The following PDE10A variants were observed in gnomAD, a reference collection of about 807,000 sequenced individuals.
PDE10A encodes cAMP and cAMP-inhibited cGMP 3',5'-cyclic phosphodiesterase 10A.
Under a neutral mutation model 97.7 loss-of-function variants are expected in PDE10A, and 39 were observed. The observed-to-expected ratio is 0.40, with a 90% CI of 0.31 to 0.52. PDE10A has a LOEUF of 0.52. PDE10A is among the 20% of genes least tolerant of loss of function. PDE10A has a pLI of 0.56. For synonymous variants in PDE10A, 371 were observed against 376.8 expected (o/e 0.98, Z 0.18); for missense variants, 731 against 1,047.8 (o/e 0.70, Z 4.17).
intron 1 of PDE10A, among the ~76,000 whole-genome samples, chr6:165,637,494 T>G (rs1788932555): frequency 6.6e-6 from 1 of 152,052 alleles, no homozygotes; most frequent in Non-Finnish European, 1.5e-5. Flanking sequence ...TGCGGAAAAT[T>G]TTTCACATTT....
intron 13 of PDE10A, among the ~76,000 whole-genome samples, chr6:165,398,114 T>A (rs1439745622): frequency 6.6e-6 from 1 of 152,236 alleles, no homozygotes; most frequent in African/African-American, 2.4e-5. Flanking sequence ...GATAATGATC[T>A]AAGGGATGGT....
At chr6:165,604,234 G>T (rs954172812) in intron 1 of PDE10A, among the ~76,000 whole-genome samples, 1 of 152,150 alleles carries the variant, frequency 6.6e-6, no homozygotes, top group Admixed American at 6.5e-5. Flanking sequence ...GTAGTAAAGC[G>T]CTGGGAGGTT....
chr6:165,552,203 C>G (rs1473151701), intron 1 of PDE10A, among the ~76,000 whole-genome samples: 1 of 152,216 alleles, frequency 6.6e-6, no homozygotes, highest in African/African-American at 2.4e-5. Flanking sequence ...ATTTATTAGA[C>G]TTCAGCCTCT....
Position 165,328,043 on chromosome 6 carries a change from T to C in PDE10A, c.*4982A>G, listed in dbSNP as rs1024804921. ...ATGAAGATGCTGCATTTGTACAAAT[T>C]TTGGTAACTATTTCACAGTGTGTTG... On this transcript the variant is annotated 3_prime_UTR_variant, in exon 22 of 22. Coordinates refer to ENST00000539869, the MANE Select transcript of PDE10A (RefSeq NM_001385079.1). The C allele has an allele frequency of 6.6e-6, 1 of 152,158 alleles. No individual in the cohort carries two copies. The highest frequency in any genetic ancestry group is 2.4e-5 in the African/African-American group (1 of 41,444). The allele number at this position is 152,158 out of a possible 1,614,324, so 9.4% of individuals were successfully genotyped here.
intron 1 of PDE10A, among the ~76,000 whole-genome samples, chr6:165,856,320 C>T (rs1212711530): frequency 1.3e-5 from 2 of 152,162 alleles, no homozygotes; most frequent in African/African-American, 2.4e-5. Flanking sequence ...CCGCACCACC[C>T]CCTGCCTGAC....
At chr6:165,540,980 A>G (rs1287467279) in intron 2 of PDE10A, among the ~76,000 whole-genome samples, 1 of 152,174 alleles carries the variant, frequency 6.6e-6, no homozygotes, top group East Asian at 1.9e-4. Context: ...GGGAGGAAAG[A>G]ATGAAGGGAG....
chr6:165,516,130 G>T (rs1467246652), intron 2 of PDE10A, among the ~76,000 whole-genome samples: 1 of 152,164 alleles, frequency 6.6e-6, no homozygotes, highest in African/African-American at 2.4e-5. Context: ...TCTAAGGCCA[G>T]CCCCTTCACT....
At position 165,662,363 on chromosome 6, in the gene PDE10A, G is replaced by T; in HGVS notation, c.449C>A (p.Ala150Glu). 1 of 162,580 alleles carries T rather than the reference G, an allele frequency of 6.2e-6. No homozygotes were observed. The highest frequency in any genetic ancestry group is 1.3e-5 in the Non-Finnish European group (1 of 78,084). The allele number at this position is 162,580 out of a possible 1,614,324, so 10.1% of individuals were successfully genotyped here. The change falls in exon 1 of 22, where the codon GCG (alanine) becomes GAG (glutamate). Residue 150 changes from alanine (A) to glutamate (E), a missense_variant. By Grantham distance (107) the Ala-to-Glu change is moderately radical. This residue lies in a region of PDE10A where 181 missense variants were observed against 159.1 expected (regional missense o/e 1.14). Transcript: ENST00000539869. ...GCCGCCTCCTCCCGCCGCCGCCGCC[G>T]CCGCTGCGCCCTCCCTTCCTGGGAG... ...VRLPGREGAA[A>E]AAAAGGGGDA...
chr6:165,420,813 A>G (rs1346490024), intron 10 of PDE10A, among the ~76,000 whole-genome samples: 1 of 152,234 alleles, frequency 6.6e-6, no homozygotes. Context: ...ATTCTTTAAA[A>G]ATCTTCAACA....
At chr6:165,953,345 T>A (rs1484938634) in intron 1 of PDE10A, among the ~76,000 whole-genome samples, 1 of 152,136 alleles carries the variant, frequency 6.6e-6, no homozygotes, top group Non-Finnish European at 1.5e-5. Flanking sequence ...AATCCCAGCA[T>A]TTTGGGAGGC....
At position 165,636,282 on chromosome 6, in the gene PDE10A, A is replaced by T. The variant is rs148377388; in HGVS notation, c.865+25665T>A. On this transcript the variant is annotated intron_variant, in intron 1 of 21. Coordinates refer to ENST00000539869, the MANE Select transcript of PDE10A (RefSeq NM_001385079.1). ...ACACAGCTAGTTCACTGGCTATGTG[A>T]AAAGGAAATCCCTCCCATACACACA... 1.9e-3 allele frequency among the ~76,000 whole-genome samples: 284 copies of T among 152,262 alleles called. 2 individuals carry two copies. The highest frequency in any genetic ancestry group is 6.6e-3 in the African/African-American group (273 of 41,538).
At chr6:165,951,663 T>C (rs1490815620) in intron 1 of PDE10A, among the ~76,000 whole-genome samples, 1 of 152,164 alleles carries the variant, frequency 6.6e-6, no homozygotes, top group Non-Finnish European at 1.5e-5. Flanking sequence ...CTCCCCCATT[T>C]AGACGAGTCT....
intron 1 of PDE10A, among the ~76,000 whole-genome samples, chr6:165,912,615 G>A (rs1782494320): frequency 6.6e-6 from 1 of 152,220 alleles, no homozygotes; most frequent in Non-Finnish European, 1.5e-5. Context: ...TGAGACTGCT[G>A]TGATGTGCCT....
At chr6:165,384,356 A>G (rs7752613) in intron 17 of PDE10A, among the ~76,000 whole-genome samples, 97 of 152,228 alleles carry the variant, frequency 6.4e-4, no homozygotes, top group African/African-American at 2.1e-3. Context: ...AGCTCTACAC[A>G]GCGACGGGCC....
At position 165,587,813 on chromosome 6, in the gene PDE10A, C is replaced by T. The variant is rs193002450; in HGVS notation, c.866-44245G>A. Reference sequence around the variant, plus strand: ...TATTTTTGGCCTTTTAAAATTCAAGCTGCAAACCACAGAGGTTAAATGAGG... The same window carrying T: ...TATTTTTGGCCTTTTAAAATTCAAGTTGCAAACCACAGAGGTTAAATGAGG... On this transcript the variant is annotated intron_variant, in intron 1 of 21. Coordinates refer to ENST00000539869, the MANE Select transcript of PDE10A (RefSeq NM_001385079.1). 8.2e-4 allele frequency among the ~76,000 whole-genome samples: 125 copies of T among 152,252 alleles called. 1 individual carries two copies. Among genetic ancestry groups the T allele is most frequent in the African/African-American group, 2.7e-3 (112 of 41,540 alleles).
intron 5 of PDE10A, among the ~76,000 whole-genome samples, chr6:165,447,610 C>CT (rs1790960363): frequency 6.6e-6 from 1 of 152,118 alleles, no homozygotes; most frequent in African/African-American, 2.4e-5. Context: ...TTAATAAAAA[C>CT]TTTGACACTT....
At chr6:165,885,619 C>T (rs1781609007) in intron 1 of PDE10A, among the ~76,000 whole-genome samples, 1 of 152,178 alleles carries the variant, frequency 6.6e-6, no homozygotes, top group African/African-American at 2.4e-5. Context: ...AACAGAGGTG[C>T]GGATCTCACT....
chr6:165,518,174 T>C (rs1030774729), intron 2 of PDE10A, among the ~76,000 whole-genome samples: 3 of 151,790 alleles, frequency 2.0e-5, no homozygotes, highest in African/African-American at 7.3e-5. Flanking sequence ...CCATAAATTA[T>C]GAGAGCAGAA....
At chr6:165,478,788 G>C (rs1779437954) in intron 3 of PDE10A, among the ~76,000 whole-genome samples, 1 of 152,138 alleles carries the variant, frequency 6.6e-6, no homozygotes, top group Admixed American at 6.5e-5. Flanking sequence ...GGCTTCATTT[G>C]CATGATAAAA....
Sources: allele counts gnomAD v4.1 joint callset (sites outside exome capture counted in the v4.1 genomes callset), GRCh38; gene constraint gnomAD v4.1.1; regional missense constraint gnomAD v4.1.1; transcripts MANE v1.5; gene names NCBI Gene and HGNC (gene_info 2026-07-23, HGNC 2026-07-21).